Variants in DSCAM observed in about 807,000 individuals in gnomAD.
DSCAM encodes the protein DS cell adhesion molecule.
A neutral mutation model predicts 217.7 loss-of-function variants in DSCAM; 47 were observed. The ratio of observed to expected loss-of-function variants is 0.22; its 90% confidence interval spans 0.17 to 0.28. The LOEUF (loss-of-function observed/expected upper bound fraction) is 0.28, where lower values mean the gene tolerates loss of function less well. DSCAM is among the 10% of genes least tolerant of loss of function. The pLI is 1.00. For missense variants in DSCAM, 2,080 were observed against 2,618.3 expected (o/e 0.79, Z 4.49); for synonymous variants, 1,056 against 1,015.3 (o/e 1.04, Z -0.76).
chr21:40,128,045 G>A (rs1181393233), intron 19 of DSCAM, among the ~76,000 whole-genome samples: 2 of 151,564 alleles, frequency 1.3e-5, no homozygotes, highest in Non-Finnish European at 2.9e-5. Flanking sequence ...AGTCTTCCCT[G>A]ATCACCAGCT....
At chr21:40,809,359 G>A (rs1276844322) in intron 1 of DSCAM, among the ~76,000 whole-genome samples, 2 of 152,112 alleles carry the variant, frequency 1.3e-5, no homozygotes, top group Admixed American at 1.3e-4. Flanking sequence ...ACTGGGGGTG[G>A]GACTTCAAAG....
At chr21:40,370,444 AT>A (rs1329081164) in intron 3 of DSCAM, among the ~76,000 whole-genome samples, 1 of 151,936 alleles carries the variant, frequency 6.6e-6, no homozygotes, top group East Asian at 1.9e-4. Flanking sequence ...TTTATTGCTT[AT>A]TTTTCTCAGG....
intron 8 of DSCAM, among the ~76,000 whole-genome samples, chr21:40,312,590 CTTTAA>C (rs1193634795): frequency 2.0e-5 from 3 of 152,150 alleles, no homozygotes; most frequent in Non-Finnish European, 4.4e-5. Context: ...GTTCAACAAA[CTTTAA>C]TTTAAAAATT....
intron 3 of DSCAM, among the ~76,000 whole-genome samples, chr21:40,519,752 A>G (rs978472040): frequency 3.3e-5 from 5 of 152,192 alleles, no homozygotes; most frequent in African/African-American, 4.8e-5. Context: ...TTGAGCTTCC[A>G]GCCTCTTGCT....
chr21:40,196,208 A>G (rs1251190501), intron 11 of DSCAM, among the ~76,000 whole-genome samples: 2 of 152,034 alleles, frequency 1.3e-5, no homozygotes, highest in African/African-American at 4.8e-5. Context: ...CCCCTCACAT[A>G]TGTCTTACCA....
Position 40,089,380 on chromosome 21 carries a change from G to C in DSCAM, c.3851-2093C>G, listed in dbSNP as rs2089575424. Among the ~76,000 whole-genome samples, 3 of 152,170 alleles carry C rather than the reference G, an allele frequency of 2.0e-5. No homozygotes were observed. In the South Asian group the frequency reaches 6.2e-4, roughly 32 times the overall value. On this transcript the variant is annotated intron_variant, in intron 21 of 32. Transcript: ENST00000400454. ...TTTGACAAGCATCCCAGGTGATTCTGATGAGAAACTGAACCCCTCTGCAAC... is the reference window on the plus strand; with the variant it reads ...TTTGACAAGCATCCCAGGTGATTCTCATGAGAAACTGAACCCCTCTGCAAC...
At chr21:40,603,933 T>C (rs1442805961) in intron 3 of DSCAM, among the ~76,000 whole-genome samples, 1 of 150,208 alleles carries the variant, frequency 6.7e-6, no homozygotes, top group Non-Finnish European at 1.5e-5. Flanking sequence ...TTCTTTTTTT[T>C]TTTTTTTTTT....
intron 1 of DSCAM, among the ~76,000 whole-genome samples, chr21:40,728,033 C>T (rs903577827): frequency 2.0e-5 from 3 of 152,274 alleles, no homozygotes; most frequent in Admixed American, 2.0e-4. Context: ...TGCCGTCTCC[C>T]CCTCAGGGAT....
At chr21:40,141,817 C>T (rs1414028564) in intron 18 of DSCAM, among the ~76,000 whole-genome samples, 1 of 152,020 alleles carries the variant, frequency 6.6e-6, no homozygotes, top group Non-Finnish European at 1.5e-5. Flanking sequence ...TCACGCAGCC[C>T]GGCCCAGCCT....
intron 1 of DSCAM, among the ~76,000 whole-genome samples, chr21:40,779,406 T>C (rs2091519787): frequency 6.6e-6 from 1 of 152,226 alleles, no homozygotes; most frequent in African/African-American, 2.4e-5. Context: ...TTAATATGTA[T>C]TGCCAAATTT....
chr21:40,775,473 T>C (rs935061140), intron 1 of DSCAM, among the ~76,000 whole-genome samples: 1 of 152,178 alleles, frequency 6.6e-6, no homozygotes, highest in Non-Finnish European at 1.5e-5. Flanking sequence ...CCTTCCATGT[T>C]GTCAGGTGCA....
chr21:40,789,472 T>C lies in DSCAM; in HGVS notation c.43+57147A>G, dbSNP rs74994111. On this transcript the variant is annotated intron_variant, in intron 1 of 32. Transcript: ENST00000400454. Reference sequence around the variant, plus strand: ...TGTAAATAATTGGGACAAAATTCTATAATCATAGCAGCTGCTTCATTATGT... The same window carrying C: ...TGTAAATAATTGGGACAAAATTCTACAATCATAGCAGCTGCTTCATTATGT... Among the ~76,000 whole-genome samples, 589 of 152,200 alleles carry C rather than the reference T, an allele frequency of 3.9e-3. 27 individuals are homozygous for C. In the East Asian group the frequency reaches 0.099, roughly 26 times the overall value.
chr21:40,624,730 T>C (rs2089575967), intron 3 of DSCAM, among the ~76,000 whole-genome samples: 1 of 151,976 alleles, frequency 6.6e-6, no homozygotes, highest in Non-Finnish European at 1.5e-5. Context: ...AAATATTAGA[T>C]TAGGAAAGAA....
intron 27 of DSCAM, among the ~76,000 whole-genome samples, chr21:40,065,854 T>A (rs754856995): frequency 6.6e-6 from 1 of 152,174 alleles, no homozygotes; most frequent in African/African-American, 2.4e-5. Context: ...CTTTGAAACC[T>A]TCAAAGGGAC....
At chr21:40,267,013 G>C (rs372865490) in intron 11 of DSCAM, among the ~76,000 whole-genome samples, 2 of 148,886 alleles carry the variant, frequency 1.3e-5, no homozygotes, top group East Asian at 4.0e-4. Context: ...TAACGGACTC[G>C]GGAGACTCAG....
intron 3 of DSCAM, among the ~76,000 whole-genome samples, chr21:40,588,777 T>C (rs932652382): frequency 2.2e-4 from 34 of 152,338 alleles, no homozygotes; most frequent in African/African-American, 7.7e-4. Context: ...TGTAAAATTC[T>C]ACATGTGGAA....
chr21:40,751,620 C>T (rs2091230030), intron 1 of DSCAM, among the ~76,000 whole-genome samples: 3 of 152,064 alleles, frequency 2.0e-5, no homozygotes, highest in African/African-American at 7.2e-5. Flanking sequence ...CTTAAGGCTA[C>T]AAACATGTGG....
chr21:40,657,105 G>A lies in DSCAM; in HGVS notation c.508+35705C>T, dbSNP rs570481428. 1.3e-3 allele frequency among the ~76,000 whole-genome samples: 193 copies of A among 152,310 alleles called. 3 individuals are homozygous for A. Among genetic ancestry groups the A allele is most frequent in the Non-Finnish European group, 2.2e-4 (15 of 68,032 alleles). ...TATAGAAAGTTTTGCATGTTTGAAA[G>A]GATGAGCCACTGGGCATAAGAGTGA... On this transcript the variant is annotated intron_variant, in intron 3 of 32. Transcript: ENST00000400454.
At chr21:40,613,822 T>G (rs6517602) in intron 3 of DSCAM, among the ~76,000 whole-genome samples, 65,345 of 150,886 alleles carry the variant, frequency 0.43, 14,462 homozygotes, top group East Asian at 0.55. Context: ...AAAAAGGCAA[T>G]CCAATTAAAA....
Sources: allele counts gnomAD v4.1 joint callset (sites outside exome capture counted in the v4.1 genomes callset), GRCh38; gene constraint gnomAD v4.1.1; transcripts MANE v1.5; gene names NCBI Gene and HGNC (gene_info 2026-07-23, HGNC 2026-07-21).